CDK14: variants seen among roughly 807,000 people sequenced by gnomAD.
The protein encoded by CDK14 is cyclin-dependent kinase 14.
CDK14 carries 34 observed loss-of-function variants against 60.7 expected under a neutral mutation model. The observed-to-expected ratio is 0.56, with a 90% CI of 0.43 to 0.75. The LOEUF (loss-of-function observed/expected upper bound fraction) is 0.75, where lower values mean the gene tolerates loss of function less well. CDK14 is among the 30% of genes least tolerant of loss of function. The pLI is 0.00. For synonymous variants in CDK14, 197 were observed against 203.7 expected, an observed-to-expected ratio of 0.97 and a Z score of 0.28; for missense variants, 482 against 564.1, an observed-to-expected ratio of 0.85 and a Z score of 1.47.
At chr7:90,941,753 A>G (rs984793024) in intron 8 of CDK14, among the ~76,000 whole-genome samples, 1 of 152,080 alleles carries the variant, frequency 6.6e-6, no homozygotes, top group Non-Finnish European at 1.5e-5. Context: ...TGCACCCAGC[A>G]TGGGCCCTGC....
intron 2 of CDK14, among the ~76,000 whole-genome samples, chr7:90,714,771 A>C (rs908486830): frequency 9.2e-5 from 14 of 152,058 alleles, no homozygotes; most frequent in African/African-American, 3.4e-4. Flanking sequence ...AAAAACATTA[A>C]ACTTTTAAAC....
chr7:90,715,389 A>G (rs553096814), intron 2 of CDK14, among the ~76,000 whole-genome samples: 12 of 152,194 alleles, frequency 7.9e-5, no homozygotes, highest in South Asian at 2.1e-4. Context: ...TTTCAAGTCT[A>G]TGAATCTGAG....
chr7:90,769,060 A>C (rs1804680100), intron 4 of CDK14, among the ~76,000 whole-genome samples: 2 of 152,242 alleles, frequency 1.3e-5, no homozygotes, highest in Non-Finnish European at 2.9e-5. Context: ...ACATACAAAA[A>C]TTTAGACATT....
chr7:90,688,961 A>G (rs536291119), intron 2 of CDK14, among the ~76,000 whole-genome samples: 1 of 152,102 alleles, frequency 6.6e-6, no homozygotes, highest in African/African-American at 2.4e-5. Flanking sequence ...TGTGTTCAGC[A>G]TTGGGTTGGA....
chr7:90,803,821 A>C (rs1232486711), intron 5 of CDK14, among the ~76,000 whole-genome samples: 2 of 152,166 alleles, frequency 1.3e-5, no homozygotes, highest in East Asian at 3.8e-4. Context: ...GAATTCCTTG[A>C]GGGAGGTTGA....
At chr7:91,185,821 A>G (rs779558692) in intron 14 of CDK14, among the ~76,000 whole-genome samples, 21 of 152,144 alleles carry the variant, frequency 1.4e-4, no homozygotes, top group Non-Finnish European at 2.5e-4. Flanking sequence ...TTGTGCAAAC[A>G]TCGCCACAAT....
At chr7:90,596,984 G>A (rs1799201230) in intron 1 of CDK14, among the ~76,000 whole-genome samples, 1 of 152,166 alleles carries the variant, frequency 6.6e-6, no homozygotes, top group Admixed American at 6.5e-5. Flanking sequence ...ACTAGTGCTC[G>A]CCCTTTCGCG....
At chr7:91,014,400 T>C (rs1562868788) in intron 10 of CDK14, among the ~76,000 whole-genome samples, 1 of 152,194 alleles carries the variant, frequency 6.6e-6, no homozygotes, top group Non-Finnish European at 1.5e-5. Flanking sequence ...GAATTTGATA[T>C]TACTTTGTGA....
chr7:90,933,168 CAACTCT>C (rs1043802121), intron 8 of CDK14, among the ~76,000 whole-genome samples: 2 of 151,228 alleles, frequency 1.3e-5, no homozygotes, highest in African/African-American at 4.9e-5. Flanking sequence ...GGTGAAACCC[CAACTCT>C]ACAAAAAATT....
chr7:90,718,911 A>C (rs1052881641), intron 2 of CDK14, among the ~76,000 whole-genome samples: 14 of 152,198 alleles, frequency 9.2e-5, no homozygotes, highest in African/African-American at 2.9e-4. Context: ...TTGCACATCT[A>C]TCCTTAATAG....
chr7:91,189,353 A>T (rs1474980307), intron 14 of CDK14, among the ~76,000 whole-genome samples: 1 of 152,158 alleles, frequency 6.6e-6, no homozygotes, highest in Non-Finnish European at 1.5e-5. Context: ...ACAAATAATA[A>T]ATGCATTCAT....
chr7:90,861,883 T>G (rs1475062097), intron 5 of CDK14, among the ~76,000 whole-genome samples: 2 of 152,186 alleles, frequency 1.3e-5, no homozygotes, highest in Non-Finnish European at 2.9e-5. Context: ...AAATAGGGAT[T>G]AGTGCATTTT....
intron 6 of CDK14, among the ~76,000 whole-genome samples, chr7:90,877,795 A>G (rs1184928783): frequency 6.6e-6 from 1 of 152,142 alleles, no homozygotes; most frequent in Non-Finnish European, 1.5e-5. Flanking sequence ...TTTATTAGAG[A>G]AAAAGAAAGG....
intron 5 of CDK14, among the ~76,000 whole-genome samples, chr7:90,822,594 A>G (rs80221784): frequency 6.6e-6 from 1 of 152,280 alleles, no homozygotes; most frequent in African/African-American, 2.4e-5. Flanking sequence ...CCTTACCTGC[A>G]GAGCAGCCTT....
At chr7:91,012,237 G>A (rs893382178) in intron 10 of CDK14, among the ~76,000 whole-genome samples, 1 of 152,136 alleles carries the variant, frequency 6.6e-6, no homozygotes, top group Non-Finnish European at 1.5e-5. Flanking sequence ...TGAATTTTGA[G>A]ATTTCCTACT....
chr7:91,163,081 A>G (rs1030294564), intron 14 of CDK14, among the ~76,000 whole-genome samples: 8 of 152,232 alleles, frequency 5.3e-5, no homozygotes, highest in African/African-American at 1.9e-4. Flanking sequence ...ATAATTGTTC[A>G]CACCACTCCC....
intron 3 of CDK14, among the ~76,000 whole-genome samples, chr7:90,736,344 G>GCTTTTTTTTTTTTTTTTTTTTTTTTT (rs1563063351): frequency 2.4e-5 from 1 of 41,034 alleles, no homozygotes; most frequent in Non-Finnish European, 4.6e-5. Context: ...ACTTTATTAT[G>GCTTTTTTTTTTTTTTTTTTTTTTTTT]TTTTTGTTTT....
chr7:90,653,414 G>C (rs546122992), intron 2 of CDK14, among the ~76,000 whole-genome samples: 8 of 150,960 alleles, frequency 5.3e-5, no homozygotes, highest in Non-Finnish European at 1.0e-4. Flanking sequence ...CATTAGATTC[G>C]CACCTGTTGG....
At chr7:91,030,165 G>C (rs780193604) in intron 10 of CDK14, among the ~76,000 whole-genome samples, 2 of 152,130 alleles carry the variant, frequency 1.3e-5, no homozygotes, top group Admixed American at 1.3e-4. Flanking sequence ...TATATATACA[G>C]TTGCAAAAAC....
Sources: allele counts gnomAD v4.1 joint callset (sites outside exome capture counted in the v4.1 genomes callset), GRCh38; gene constraint gnomAD v4.1.1; transcripts MANE v1.5; gene names NCBI Gene and HGNC (gene_info 2026-07-23, HGNC 2026-07-21).